Variants in MIS18BP1 observed in about 807,000 individuals in gnomAD.
The protein encoded by MIS18BP1 is MIS18 binding protein 1, also known as mis18-binding protein 1.
MIS18BP1 carries 72 observed loss-of-function variants against 116.1 expected under a neutral mutation model. That is an observed-to-expected ratio of 0.62 (90% confidence interval 0.51 to 0.75). MIS18BP1 has a LOEUF of 0.75. Among genes scored for constraint, MIS18BP1 ranks in the 30% least tolerant of loss-of-function variants. The pLI, the probability that MIS18BP1 is intolerant of heterozygous loss-of-function variation, is 0.00. For synonymous variants in MIS18BP1, 386 were observed against 427.0 expected (o/e 0.90, Z 1.18); for missense variants, 1,363 against 1,303.2 (o/e 1.05, Z -0.71).
Position 45,235,743 on chromosome 14 carries a change from G to GT in MIS18BP1, c.1348+70dup. 2.3e-6 allele frequency: 3 copies of GT among 1,332,810 alleles called. No homozygotes were observed. In the South Asian group the frequency reaches 4.6e-5, roughly 20 times the overall value. 82.6% of individuals were successfully genotyped at this position (1,332,810 alleles called of 1,614,324 possible). On this transcript the variant is annotated intron_variant, in intron 6 of 16. Coordinates refer to ENST00000310806, the MANE Select transcript of MIS18BP1 (RefSeq NM_018353.5). Reference sequence around the variant, plus strand: ...ACCTAATTAAAAGTTAAAAAAATGTGTATTACTGTGAGAAACATGGTTAAC... The same window carrying GT: ...ACCTAATTAAAAGTTAAAAAAATGTGTTATTACTGTGAGAAACATGGTTAAC...
intron 14 of MIS18BP1, among the ~76,000 whole-genome samples, chr14:45,206,764 C>T (rs1364470490): frequency 6.6e-6 from 1 of 152,182 alleles, no homozygotes; most frequent in Non-Finnish European, 1.5e-5. Context: ...TACGCTCTTT[C>T]CGGTATCTTG....
intron 13 of MIS18BP1, among the ~76,000 whole-genome samples, chr14:45,211,953 G>A (rs1890685259): frequency 6.6e-6 from 1 of 152,228 alleles, no homozygotes; most frequent in South Asian, 2.1e-4. Flanking sequence ...CAGGTGAGCT[G>A]CTGATGTGCA....
At chr14:45,249,689 G>A (rs966288885) in intron 1 of MIS18BP1, among the ~76,000 whole-genome samples, 108 of 152,230 alleles carry the variant, frequency 7.1e-4, no homozygotes, top group Admixed American at 4.6e-3. Context: ...TGGCCAACAC[G>A]GTGAATCCCC....
chr14:45,213,378 T>C (rs763057695), intron 13 of MIS18BP1, among the ~76,000 whole-genome samples: 12 of 152,210 alleles, frequency 7.9e-5, no homozygotes, highest in Non-Finnish European at 1.6e-4. Flanking sequence ...GTTTAGGCTA[T>C]GTCTGTTAGA....
At chr14:45,218,644 T>A (rs1294765984) in intron 11 of MIS18BP1, among the ~76,000 whole-genome samples, 190 bp from the exon 12 acceptor site, 1 of 151,586 alleles carries the variant, frequency 6.6e-6, no homozygotes, top group African/African-American at 2.4e-5. Context: ...GCTTAAAATA[T>A]GAAGATGTAA....
chr14:45,244,909 T>A (rs1331039565), intron 2 of MIS18BP1, among the ~76,000 whole-genome samples: 1 of 152,226 alleles, frequency 6.6e-6, no homozygotes, highest in Non-Finnish European at 1.5e-5. Context: ...TAGATTATAT[T>A]TCCTCTCAAC....
chr14:45,221,187 C>T (rs931107716), intron 11 of MIS18BP1, among the ~76,000 whole-genome samples: 1 of 151,686 alleles, frequency 6.6e-6, no homozygotes, highest in African/African-American at 2.4e-5. Context: ...GCCTGTAATC[C>T]CAGCACTTTG....
At chr14:45,232,852 T>G (rs1239885095) in intron 6 of MIS18BP1, 32 bp from the exon 7 acceptor site, 4 of 1,037,492 alleles carry the variant, frequency 3.9e-6, no homozygotes. Context: ...CAAAAAGTAT[T>G]TAAAAGCCTA....
chr14:45,222,091 G>T (rs752478956), intron 11 of MIS18BP1, among the ~76,000 whole-genome samples: 13 of 151,858 alleles, frequency 8.6e-5, no homozygotes, highest in Non-Finnish European at 1.2e-4. Context: ...GTGTTTAGAC[G>T]GTATTTTTCT....
intron 13 of MIS18BP1, among the ~76,000 whole-genome samples, chr14:45,210,889 GA>G (rs1306353257): frequency 6.6e-6 from 1 of 152,146 alleles, no homozygotes; most frequent in Non-Finnish European, 1.5e-5. Flanking sequence ...GGTCTGGGGG[GA>G]TAACAGTGCC....
chr14:45,230,192 T>C (rs1440923278), intron 8 of MIS18BP1, among the ~76,000 whole-genome samples: 2 of 152,236 alleles, frequency 1.3e-5, no homozygotes, highest in African/African-American at 4.8e-5. Flanking sequence ...GTTTACAACA[T>C]ATTTTAGTAA....
intron 4 of MIS18BP1, among the ~76,000 whole-genome samples, chr14:45,239,247 G>C (rs1429302948): frequency 6.6e-6 from 1 of 152,178 alleles, no homozygotes; most frequent in Non-Finnish European, 1.5e-5. Context: ...TTGTGTGTGT[G>C]TTAGGGTTGG....
chr14:45,212,455 C>G lies in MIS18BP1; in HGVS notation c.3004-1927G>C, dbSNP rs141889289. 1.1e-3 allele frequency among the ~76,000 whole-genome samples: 163 copies of G among 152,236 alleles called. 4 individuals carry two copies. The East Asian group carries it at 0.03, about 28-fold the overall frequency. ...TAAGCAAGGAATGAGAGGGCCTCCC[C>G]ACCCCCCACCAGGAATGTTGTTAGG... On this transcript the variant is annotated intron_variant, in intron 13 of 16. Transcript: ENST00000310806.
chr14:45,248,572 T>TA (rs893797939), intron 1 of MIS18BP1, among the ~76,000 whole-genome samples: 26 of 151,124 alleles, frequency 1.7e-4, no homozygotes, highest in South Asian at 1.0e-3. Context: ...CATATAAACA[T>TA]AAAAAAAAAC....
chr14:45,217,023 A>G lies in MIS18BP1; in HGVS notation c.2999T>C (p.Ile1000Thr). Residue 1000 changes from isoleucine to threonine, a missense_variant, in exon 13 of 17, where the codon ATA (isoleucine) becomes ACA (threonine). Physicochemically the swap from Ile to Thr is moderately conservative, Grantham distance 89. Transcript: ENST00000310806. The stretch of plus-strand genomic sequence containing the variant: ...CAATGATTTCATGCCTCTTACCAGT[A>G]TTCTTTGATGCTGTAAAGGTGTTGT... ...FSTTPLQHQRILLPSFQDSED... is the reference protein window; with the variant it reads ...FSTTPLQHQRTLLPSFQDSED... The G allele has an allele frequency of 1.2e-6, 2 of 1,613,704 alleles. No individual in the cohort carries two copies. Among genetic ancestry groups the G allele is most frequent in the Non-Finnish European group, 1.7e-6 (2 of 1,179,788 alleles).
chr14:45,236,013 T>C lies in MIS18BP1; in HGVS notation c.1218-69A>G. ...AGAAATTTCTAACAGAAAATAATTT[T>C]ACACTTTAGCTACAGCAACACTAAG... On this transcript the variant is annotated intron_variant, in intron 5 of 16. Coordinates refer to ENST00000310806, the MANE Select transcript of MIS18BP1 (RefSeq NM_018353.5). The C allele has an allele frequency of 5.1e-6, 7 of 1,383,064 alleles. No individual in the cohort carries two copies. The Admixed American group carries it at 1.6e-4, about 31-fold the overall frequency. 85.7% of individuals were successfully genotyped at this position (1,383,064 alleles called of 1,614,324 possible). A position where few individuals can be genotyped will look rare whatever the true frequency, so the allele number is the denominator to read the frequency against.
At chr14:45,235,986 A>T (rs1566817003) in intron 5 of MIS18BP1, 42 bp from the exon 6 acceptor site, 2 of 1,514,342 alleles carry the variant, frequency 1.3e-6, no homozygotes, top group Non-Finnish European at 1.8e-6. Context: ...AAATATTCAT[A>T]TAGAAATTTC....
chr14:45,227,490 A>G (rs1891153280), intron 9 of MIS18BP1, among the ~76,000 whole-genome samples, 173 bp downstream of exon 9: 1 of 151,492 alleles, frequency 6.6e-6, no homozygotes, highest in Admixed American at 6.6e-5. Flanking sequence ...GGGTGCAATA[A>G]GCCGAGATCA....
intron 1 of MIS18BP1, among the ~76,000 whole-genome samples, chr14:45,247,705 AAAATAAAAT>A (rs1891759792): frequency 6.6e-6 from 1 of 151,220 alleles, no homozygotes; most frequent in African/African-American, 2.4e-5. Flanking sequence ...GTCTCAAAAT[AAAATAAAAT>A]AAAATAAAAC....
Sources: gnomAD v4.1 joint callset for allele counts (sites outside exome capture counted in the v4.1 genomes callset) on GRCh38, gnomAD v4.1.1 for gene constraint, MANE v1.5 for transcripts, NCBI Gene and HGNC (gene_info 2026-07-23, HGNC 2026-07-21) for gene names.